GARIN2: variants seen among roughly 807,000 people sequenced by gnomAD.
GARIN2 encodes the protein Golgi-associated RAB2 interactor protein 2.
At chr14:67,191,437 T>A in the GARIN2 span, among the ~76,000 whole-genome samples, 5 of 152,132 alleles carry the variant, frequency 3.3e-5, no homozygotes, top group African/African-American at 1.2e-4. Flanking sequence ...TGTACAGACA[T>A]CCCTCTGAAT....
At chr14:67,189,972 C>G in the GARIN2 span, among the ~76,000 whole-genome samples, 1 of 150,236 alleles carries the variant, frequency 6.7e-6, no homozygotes, top group Non-Finnish European at 1.5e-5. Context: ...TCCCGAGTAG[C>G]TGGGATTACA....
the GARIN2 span, among the ~76,000 whole-genome samples, chr14:67,226,640 C>A: frequency 6.9e-6 from 1 of 144,534 alleles, no homozygotes; most frequent in Non-Finnish European, 1.5e-5. Context: ...GGATTACAGG[C>A]GTGAGCCACT....
chr14:67,194,615 C>T, the GARIN2 span, among the ~76,000 whole-genome samples: 1 of 152,134 alleles, frequency 6.6e-6, no homozygotes, highest in Admixed American at 6.5e-5. Context: ...AAGAGATTCT[C>T]CTGCTTCAGT....
At chr14:67,225,173 G>T in the GARIN2 span, 1 of 1,580,632 alleles carries the variant, frequency 6.3e-7, no homozygotes, top group South Asian at 1.2e-5. Flanking sequence ...TGCCTCATCT[G>T]TCTGCCCCTT....
chr14:67,199,109 C>T, the GARIN2 span: 232 of 1,231,454 alleles, frequency 1.9e-4, 1 homozygote, highest in East Asian at 4.7e-3. Context: ...CCACTGTGTA[C>T]GTGGGGGGCC....
the GARIN2 span, among the ~76,000 whole-genome samples, chr14:67,210,324 G>C: frequency 6.6e-6 from 1 of 152,106 alleles, no homozygotes; most frequent in South Asian, 2.1e-4. Flanking sequence ...GGTGGCTCCT[G>C]CCTATAATCC....
chr14:67,190,729 A>G, the GARIN2 span, among the ~76,000 whole-genome samples: 5 of 152,222 alleles, frequency 3.3e-5, no homozygotes, highest in Non-Finnish European at 7.3e-5. Context: ...AGAAGCCACA[A>G]CAGTTAGACT....
At chr14:67,212,530 G>A in the GARIN2 span, among the ~76,000 whole-genome samples, 1 of 149,400 alleles carries the variant, frequency 6.7e-6, no homozygotes. Context: ...GGTTGAGGCT[G>A]CAGTGAGCCA....
the GARIN2 span, chr14:67,203,102 A>C: frequency 1.2e-6 from 2 of 1,612,806 alleles, no homozygotes; most frequent in East Asian, 2.2e-5. Context: ...AGGTCAACAG[A>C]AGAGGTGAAT....
the GARIN2 span, chr14:67,204,567 T>C: frequency 3.1e-6 from 5 of 1,613,468 alleles, no homozygotes; most frequent in East Asian, 1.1e-4. Context: ...TGACTCTTTC[T>C]GTGCATGATG....
At chr14:67,222,625 T>G in the GARIN2 span, among the ~76,000 whole-genome samples, 1 of 152,140 alleles carries the variant, frequency 6.6e-6, no homozygotes, top group Admixed American at 6.5e-5. Flanking sequence ...GATTTTTCTT[T>G]ATATATTGCC....
At chr14:67,219,378 C>T in the GARIN2 span, among the ~76,000 whole-genome samples, 1 of 152,192 alleles carries the variant, frequency 6.6e-6, no homozygotes, top group Non-Finnish European at 1.5e-5. Context: ...TCCATCACCA[C>T]AGACATGTCT....
the GARIN2 span, chr14:67,225,109 T>G: frequency 2.6e-6 from 4 of 1,562,172 alleles, no homozygotes; most frequent in South Asian, 4.8e-5. Context: ...TTTTCTTTTT[T>G]CCCTCTAGTT....
the GARIN2 span, among the ~76,000 whole-genome samples, chr14:67,221,195 C>A: frequency 2.6e-5 from 4 of 152,190 alleles, no homozygotes; most frequent in African/African-American, 9.7e-5. Context: ...CTAGCCTCTT[C>A]TTTTATCCAA....
At chr14:67,207,774 T>G in the GARIN2 span, among the ~76,000 whole-genome samples, 1 of 152,130 alleles carries the variant, frequency 6.6e-6, no homozygotes, top group Admixed American at 6.6e-5. Flanking sequence ...GTTCTAAGTC[T>G]TTTGACAAAA....
chr14:67,209,536 T>A, the GARIN2 span, among the ~76,000 whole-genome samples: 1 of 152,074 alleles, frequency 6.6e-6, no homozygotes, highest in East Asian at 1.9e-4. Flanking sequence ...AAAAGCATAA[T>A]AGGCCGGGTG....
chr14:67,226,202 A>AT, the GARIN2 span, among the ~76,000 whole-genome samples: 2,919 of 151,854 alleles, frequency 0.019, 38 homozygotes, highest in Middle Eastern at 0.034. Context: ...TTTTATTTTT[A>AT]TTTTTTTGAG....
At chr14:67,197,855 A>G in the GARIN2 span, among the ~76,000 whole-genome samples, 1 of 151,922 alleles carries the variant, frequency 6.6e-6, no homozygotes, top group African/African-American at 2.4e-5. Context: ...ATTTTTTACT[A>G]TATGTATCTG....
At chr14:67,194,673 T>C in the GARIN2 span, among the ~76,000 whole-genome samples, 2 of 152,074 alleles carry the variant, frequency 1.3e-5, no homozygotes, top group African/African-American at 4.8e-5. Flanking sequence ...ACCTGGTTAA[T>C]TGTATTTTTA....
Sources: gnomAD v4.1 joint callset for allele counts (sites outside exome capture counted in the v4.1 genomes callset) on GRCh38, gnomAD v4.1.1 for gene constraint, MANE v1.5 for transcripts, NCBI Gene and HGNC (gene_info 2026-07-23, HGNC 2026-07-21) for gene names.